TESMIN: variants seen among roughly 807,000 people sequenced by gnomAD.
TESMIN encodes CXC domain containing 2.
Under a neutral mutation model 47.4 loss-of-function variants are expected in TESMIN, and 34 were observed. The observed-to-expected ratio is 0.72, with a 90% confidence interval of 0.55 to 0.96. The LOEUF is 0.96. TESMIN is among the 40% of genes least tolerant of loss of function. The probability of loss-of-function intolerance (pLI) is 0.00; values close to 1 mark genes in which losing one functional copy is unlikely to be tolerated. For missense variants in TESMIN, 610 were observed against 637.2 expected, an observed-to-expected ratio of 0.96 and a Z score of 0.46; for synonymous variants, 278 against 258.9, an observed-to-expected ratio of 1.07 and a Z score of -0.71.
At chr11:68,736,541 T>C in intron 6 of TESMIN, 1 of 985,386 alleles carries the variant, frequency 1.0e-6, no homozygotes, top group Non-Finnish European at 1.2e-6. Flanking sequence ...GATTCCAGTA[T>C]ATCATCAGTA....
Position 68,738,736 on chromosome 11 carries a change from G to C in TESMIN, c.881C>G (p.Ser294Ter), listed in dbSNP as rs749999909. The stretch of plus-strand genomic sequence containing the variant: ...TATTTTTGGTGGTCCTGGAAGAGTT[G>C]ATCCCGAGGGGAAAGCAGACCCGTT... ...VVNGSAFPSGSTLPGPPKITL... is the reference protein window; with the variant it reads ...VVNGSAFPSG Residue 294 changes from serine (S) to a stop codon, truncating the protein, a stop_gained, in exon 6 of 10, where the codon TCA becomes TGA. Coordinates refer to ENST00000255087, the MANE Select transcript of TESMIN (RefSeq NM_004923.3). LOFTEE classifies it high-confidence loss of function. 1.4e-5 allele frequency: 22 copies of C among 1,613,942 alleles called. No individual in the cohort carries two copies. Among genetic ancestry groups the C allele is most frequent in the Non-Finnish European group, 1.9e-5 (22 of 1,179,984 alleles).
At chr11:68,711,391 G>A (rs546938659) in intron 8 of TESMIN, among the ~76,000 whole-genome samples, 1 of 150,898 alleles carries the variant, frequency 6.6e-6, no homozygotes, top group Non-Finnish European at 1.5e-5. Context: ...ATATGTGTGA[G>A]TGAATGTGAA....
At chr11:68,709,034 A>G (rs1946030766) in intron 9 of TESMIN, among the ~76,000 whole-genome samples, 1 of 151,476 alleles carries the variant, frequency 6.6e-6, no homozygotes, top group African/African-American at 2.4e-5. Context: ...TACAGGCGTG[A>G]GCCACCACAC....
At chr11:68,723,827 G>T (rs1183308631) in intron 6 of TESMIN, among the ~76,000 whole-genome samples, 1 of 151,984 alleles carries the variant, frequency 6.6e-6, no homozygotes, top group Non-Finnish European at 1.5e-5. Flanking sequence ...ATTGACTCAA[G>T]AAAAAACATA....
At chr11:68,716,219 A>G (rs1946137645) in intron 6 of TESMIN, among the ~76,000 whole-genome samples, 1 of 152,238 alleles carries the variant, frequency 6.6e-6, no homozygotes, top group Admixed American at 6.5e-5. Flanking sequence ...CATTGCATCA[A>G]TCAATCCTCC....
At chr11:68,745,175 A>G (rs553817172) in intron 3 of TESMIN, 64 bp from the exon 4 acceptor site, 128 of 1,449,992 alleles carry the variant, frequency 8.8e-5, no homozygotes, top group Middle Eastern at 3.9e-4. Flanking sequence ...AATGAACCTA[A>G]ATAAACTTAA....
chr11:68,725,283 C>G (rs892366507), intron 6 of TESMIN, among the ~76,000 whole-genome samples: 1 of 152,204 alleles, frequency 6.6e-6, no homozygotes, highest in African/African-American at 2.4e-5. Flanking sequence ...AATTGAATCC[C>G]TACCTAATGC....
intron 7 of TESMIN, among the ~76,000 whole-genome samples, chr11:68,714,166 C>T (rs529950448): frequency 1.8e-4 from 27 of 152,352 alleles, no homozygotes; most frequent in South Asian, 4.1e-4. Context: ...GCCTCCGTTC[C>T]GCTTCCTGGG....
At chr11:68,751,003 A>G (rs1594307040) in intron 1 of TESMIN, among the ~76,000 whole-genome samples, 1 of 64,326 alleles carries the variant, frequency 1.6e-5, no homozygotes. Flanking sequence ...GTGAGCGGCG[A>G]CCAGGGGAGG....
chr11:68,730,118 C>G (rs1440975203), intron 6 of TESMIN, among the ~76,000 whole-genome samples: 1 of 152,212 alleles, frequency 6.6e-6, no homozygotes, highest in African/African-American at 2.4e-5. Context: ...TTCCTAGAAA[C>G]AGTGTTTTTA....
chr11:68,713,082 G>C (rs75423182), intron 8 of TESMIN, among the ~76,000 whole-genome samples, 188 bp downstream of exon 8: 1 of 152,152 alleles, frequency 6.6e-6, no homozygotes, highest in African/African-American at 2.4e-5. Context: ...AAATTGACCC[G>C]GTTCACAAAG....
At chr11:68,746,482 C>T (rs1347804162) in intron 3 of TESMIN, among the ~76,000 whole-genome samples, 1 of 152,180 alleles carries the variant, frequency 6.6e-6, no homozygotes, top group Non-Finnish European at 1.5e-5. Flanking sequence ...TGCTTGTTAA[C>T]GTCTATGCCT....
At chr11:68,724,229 G>A (rs1285733073) in intron 6 of TESMIN, among the ~76,000 whole-genome samples, 2 of 152,168 alleles carry the variant, frequency 1.3e-5, no homozygotes, top group Non-Finnish European at 2.9e-5. Context: ...AAAGTTTGTT[G>A]TCATAGATAT....
At chr11:68,746,043 A>C (rs946797555) in intron 3 of TESMIN, among the ~76,000 whole-genome samples, 3 of 152,264 alleles carry the variant, frequency 2.0e-5, no homozygotes, top group African/African-American at 7.2e-5. Flanking sequence ...CAATGTTATC[A>C]AAGTAATACA....
Position 68,742,659 on chromosome 11 carries a change from ATGT to A in TESMIN, c.752-268_752-266del, listed in dbSNP as rs200374936. Among the ~76,000 whole-genome samples the A allele has an allele frequency of 7.0e-3, 1,058 of 152,194 alleles. 9 individuals are homozygous for A. Among genetic ancestry groups the A allele is most frequent in the Non-Finnish European group, 8.6e-3 (585 of 68,012 alleles). On this transcript the variant is annotated intron_variant, in intron 4 of 9. Coordinates refer to ENST00000255087, the MANE Select transcript of TESMIN (RefSeq NM_004923.3). ...AGGGTTGCTCTACTAGGCTAAAACA[ATGT>A]TGTTAGTGCTCTGGTTCCCAAATTG...
At chr11:68,712,184 G>A (rs963256086) in intron 8 of TESMIN, among the ~76,000 whole-genome samples, 2 of 152,270 alleles carry the variant, frequency 1.3e-5, no homozygotes, top group African/African-American at 4.8e-5. Flanking sequence ...CATAGGCTCT[G>A]CCTTGGGGAA....
In TESMIN at chr11:68,749,053, T is replaced by C. The variant is rs72943216; in HGVS notation, c.471+1137A>G. On this transcript the variant is annotated intron_variant, in intron 2 of 9. Transcript: ENST00000255087. ...ATTAATGCTTTCTGACTCCACTCTG[T>C]GAGGAAATGAGCCGAGCTAGGACCT... is the stretch of plus-strand genomic sequence containing the variant. 9.6e-3 allele frequency among the ~76,000 whole-genome samples: 1,469 copies of C among 152,230 alleles called. 9 individuals carry two copies. Among genetic ancestry groups the C allele is most frequent in the Middle Eastern group, 0.017 (5 of 294 alleles).
rs539548258 is a variant in TESMIN, at chr11:68,709,926, T to C, written c.1334+948A>G. Among the ~76,000 whole-genome samples, 10 of 152,324 alleles carry C rather than the reference T, an allele frequency of 6.6e-5. No homozygotes were observed. In the South Asian group the frequency reaches 1.4e-3, roughly 22 times the overall value. ...GGCTTACGCCTGTAATCTCAGCAGT[T>C]TGGGACTCAGAGGTGGATGAATCAC... On this transcript the variant is annotated intron_variant, in intron 9 of 9. Transcript: ENST00000255087.
At chr11:68,713,535 T>C (rs1375926440) in intron 7 of TESMIN, 128 bp from the exon 8 acceptor site, 9 of 1,039,664 alleles carry the variant, frequency 8.7e-6, no homozygotes, top group African/African-American at 3.2e-5. Flanking sequence ...TTGACATGGT[T>C]CAGAAGGTGC....
Sources: allele counts gnomAD v4.1 joint callset (sites outside exome capture counted in the v4.1 genomes callset), GRCh38; gene constraint gnomAD v4.1.1; transcripts MANE v1.5; gene names NCBI Gene and HGNC (gene_info 2026-07-23, HGNC 2026-07-21).